GLB1: variants seen among roughly 807,000 people sequenced by gnomAD.
The protein encoded by GLB1 is beta-galactosidase.
GLB1 carries 56 observed loss-of-function variants against 74.0 expected under a neutral mutation model. That is an observed-to-expected ratio of 0.76 (90% CI 0.61 to 0.94). The LOEUF (loss-of-function observed/expected upper bound fraction) is 0.94. Ranked by LOEUF, GLB1 falls within the 40% of genes least tolerant of loss-of-function variation. The probability of loss-of-function intolerance (pLI) is 0.00; values close to 1 mark genes in which losing one functional copy is unlikely to be tolerated. For missense variants in GLB1, 787 were observed against 845.5 expected (o/e 0.93, Z 0.86); for synonymous variants, 323 against 323.6 (o/e 1.00, Z 0.02).
chr3:33,048,844 G>A (rs1014430626), intron 9 of GLB1, among the ~76,000 whole-genome samples: 3 of 152,118 alleles, frequency 2.0e-5, no homozygotes, highest in African/African-American at 4.8e-5. Flanking sequence ...CAGAAAACGT[G>A]TGGACTTTTT....
At chr3:33,005,266 G>T (rs1455679632) in intron 15 of GLB1, among the ~76,000 whole-genome samples, 2 of 152,152 alleles carry the variant, frequency 1.3e-5, no homozygotes, top group Non-Finnish European at 2.9e-5. Flanking sequence ...GGGTTTTAGG[G>T]CCCTGGAACC....
rs114082733 is a variant in GLB1, at chr3:33,052,023, G to A, written c.793-19C>T. ...AATTGATCTAAAACAAAAAAAGAACGTAGCCCTTAGGATAGACTTATGACC... is the reference window on the plus strand; with the variant it reads ...AATTGATCTAAAACAAAAAAAGAACATAGCCCTTAGGATAGACTTATGACC... On this transcript the variant is annotated intron_variant, in intron 7 of 15. Transcript: ENST00000307363. 1,782 of 1,613,034 alleles carry A rather than the reference G, an allele frequency of 1.1e-3. 17 individuals are homozygous for A. In the African/African-American group the frequency reaches 0.021, roughly 19 times the overall value.
Position 33,097,133 on chromosome 3 carries a change from C to G in GLB1, c.-48G>C, listed in dbSNP as rs529551028. The G allele has an allele frequency of 1.8e-4, 296 of 1,603,926 alleles. 4 individuals are homozygous for G. The South Asian group carries it at 3.1e-3, about 17-fold the overall frequency. Reference sequence around the variant, plus strand: ...CAGTCGGCGCCCAGGCCGGCCGCTTCGCGTCACTTGACTAAGGACCCACGG... The same window carrying G: ...CAGTCGGCGCCCAGGCCGGCCGCTTGGCGTCACTTGACTAAGGACCCACGG... On this transcript the variant is annotated 5_prime_UTR_variant, in exon 1 of 16. Transcript: ENST00000307363.
At chr3:33,007,713 G>A (rs919229785) in intron 15 of GLB1, among the ~76,000 whole-genome samples, 4 of 152,186 alleles carry the variant, frequency 2.6e-5, no homozygotes, top group Admixed American at 2.0e-4. Context: ...GGATTAGATG[G>A]GCTTTTGGGG....
At chr3:33,075,885 CA>C (rs528466855) in intron 1 of GLB1, among the ~76,000 whole-genome samples, 104 of 148,306 alleles carry the variant, frequency 7.0e-4, no homozygotes, top group Non-Finnish European at 1.3e-3. Flanking sequence ...ACTAAAAATA[CA>C]AAAAAAAAAT....
At chr3:33,032,311 C>T (rs556366147) in intron 10 of GLB1, among the ~76,000 whole-genome samples, 1 of 152,252 alleles carries the variant, frequency 6.6e-6, no homozygotes, top group South Asian at 2.1e-4. Context: ...GAGTGTCTTA[C>T]TATTAAGTGT....
At chr3:32,966,318 G>A in the GLB1 span, among the ~76,000 whole-genome samples, 1 of 152,176 alleles carries the variant, frequency 6.6e-6, no homozygotes, top group Non-Finnish European at 1.5e-5. Flanking sequence ...TGTGAGACAT[G>A]GAGTTAAAGG....
At chr3:32,972,463 T>C in the GLB1 span, among the ~76,000 whole-genome samples, 1 of 152,246 alleles carries the variant, frequency 6.6e-6, no homozygotes, top group Admixed American at 6.5e-5. Flanking sequence ...AGACTCCTTG[T>C]ATGAAGGATG....
intron 13 of GLB1, among the ~76,000 whole-genome samples, chr3:33,018,014 T>C (rs949124096): frequency 3.3e-5 from 5 of 151,986 alleles, no homozygotes; most frequent in Admixed American, 2.0e-4. Context: ...CCCACCGTGG[T>C]GGGTCATGCC....
intron 5 of GLB1, among the ~76,000 whole-genome samples, chr3:33,060,201 G>T (rs561882444): frequency 1.3e-5 from 2 of 152,306 alleles, no homozygotes; most frequent in East Asian, 3.9e-4. Context: ...CTCTCAGAGA[G>T]GATCCCTCTG....
chr3:33,042,767 C>T (rs1163791174), intron 10 of GLB1, among the ~76,000 whole-genome samples: 1 of 152,210 alleles, frequency 6.6e-6, no homozygotes. Context: ...TCACTGGCTG[C>T]ATTCTGCCTG....
chr3:33,052,501 G>A (rs573942598), intron 7 of GLB1, among the ~76,000 whole-genome samples: 8 of 152,216 alleles, frequency 5.3e-5, no homozygotes, highest in Non-Finnish European at 1.2e-4. Context: ...GCATCGTGGT[G>A]CGCCCCTGTA....
intron 5 of GLB1, among the ~76,000 whole-genome samples, chr3:33,064,093 G>T (rs1022840849): frequency 1.7e-4 from 26 of 152,140 alleles, no homozygotes; most frequent in African/African-American, 5.6e-4. Context: ...GCATCCCTGG[G>T]ATGTCCAGGA....
chr3:32,982,056 G>A, the GLB1 span, among the ~76,000 whole-genome samples: 3 of 152,286 alleles, frequency 2.0e-5, no homozygotes, highest in South Asian at 6.2e-4. Flanking sequence ...GCTTACGCCT[G>A]TAATCTCAGC....
chr3:32,971,237 C>G, the GLB1 span, among the ~76,000 whole-genome samples: 14 of 152,170 alleles, frequency 9.2e-5, no homozygotes, highest in Admixed American at 4.6e-4. Context: ...CCAGAGCTAC[C>G]TTTTTGGTCT....
At chr3:33,010,938 C>A (rs1038224831) in intron 15 of GLB1, among the ~76,000 whole-genome samples, 1 of 152,144 alleles carries the variant, frequency 6.6e-6, no homozygotes, top group African/African-American at 2.4e-5. Flanking sequence ...CTCACTGCAG[C>A]CTCTGCCTTC....
chr3:33,018,669 G>T, intron 12 of GLB1, 108 bp from the exon 13 acceptor site: 2 of 1,227,354 alleles, frequency 1.6e-6, no homozygotes, highest in South Asian at 2.7e-5. Context: ...CATAAGGAAT[G>T]AAAATCTTCC....
intron 1 of GLB1, among the ~76,000 whole-genome samples, chr3:33,095,336 T>C (rs1449796847): frequency 1.3e-5 from 2 of 149,408 alleles, no homozygotes; most frequent in Admixed American, 6.7e-5. Context: ...GCTAACATGG[T>C]GAAACCCCGT....
At chr3:33,019,417 G>T (rs1697377810) in intron 12 of GLB1, among the ~76,000 whole-genome samples, 1 of 152,168 alleles carries the variant, frequency 6.6e-6, no homozygotes, top group South Asian at 2.1e-4. Flanking sequence ...GCAGGGCTGA[G>T]CTGGGACATA....
Sources: gnomAD v4.1 joint callset for allele counts (sites outside exome capture counted in the v4.1 genomes callset) on GRCh38, gnomAD v4.1.1 for gene constraint, MANE v1.5 for transcripts, NCBI Gene and HGNC (gene_info 2026-07-23, HGNC 2026-07-21) for gene names.